Variants in RCBTB1 observed in about 807,000 individuals in gnomAD.
RCBTB1 encodes RCC1 and BTB domain-containing protein 1.
Under a neutral mutation model 62.4 loss-of-function variants are expected in RCBTB1, and 46 were observed. The ratio of observed to expected loss-of-function variants is 0.74; its 90% CI spans 0.58 to 0.94. RCBTB1 has a LOEUF of 0.94. RCBTB1 is among the 40% of genes least tolerant of loss of function. The pLI, the probability that RCBTB1 is intolerant of heterozygous loss-of-function variation, is 0.00. For synonymous variants in RCBTB1, 222 were observed against 245.8 expected (o/e 0.90, Z 0.91); for missense variants, 565 against 654.9 (o/e 0.86, Z 1.50).
At chr13:49,573,136 A>C (rs1238392488) in intron 2 of RCBTB1, among the ~76,000 whole-genome samples, 1 of 152,134 alleles carries the variant, frequency 6.6e-6, no homozygotes, top group Non-Finnish European at 1.5e-5. Context: ...TCAAAACAAA[A>C]CCACAAAAAT....
chr13:49,557,642 G>T (rs1489228437), intron 5 of RCBTB1, among the ~76,000 whole-genome samples: 1 of 152,148 alleles, frequency 6.6e-6, no homozygotes, highest in African/African-American at 2.4e-5. Context: ...ACTCTAGGTT[G>T]GGTGCGGTAG....
Position 49,560,093 on chromosome 13 carries a change from A to C in RCBTB1, c.278-9T>G. 2 of 1,607,042 alleles carry C rather than the reference A, an allele frequency of 1.2e-6. No individual in the cohort carries two copies. The highest frequency in any genetic ancestry group is 2.2e-5 in the South Asian group (2 of 89,694). The stretch of plus-strand genomic sequence containing the variant: ...GGCATAAACCACTCCATCTGTGCAC[A>C]CAAAGCACACAAAAAATCAGCTCCA... On this transcript the variant is annotated splice_polypyrimidine_tract_variant and intron_variant, in intron 4 of 12. Coordinates refer to ENST00000378302, the MANE Select transcript of RCBTB1 (RefSeq NM_018191.4).
intron 2 of RCBTB1, among the ~76,000 whole-genome samples, chr13:49,572,101 C>A (rs1310314805): frequency 1.3e-5 from 2 of 152,026 alleles, no homozygotes; most frequent in Non-Finnish European, 2.9e-5. Flanking sequence ...TAGAGGCAGG[C>A]AGATCACTTG....
Position 49,532,692 on chromosome 13 carries a change from A to T in RCBTB1, c.*1430T>A, listed in dbSNP as rs917842303. The T allele has an allele frequency of 6.6e-6, 1 of 152,096 alleles. No homozygotes were observed. Among genetic ancestry groups the T allele is most frequent in the African/African-American group, 2.4e-5 (1 of 41,414 alleles). The allele number at this position is 152,096 out of a possible 1,614,324, so 9.4% of individuals were successfully genotyped here. ...TTCCCACCCCAATAGACACAAATTTAAAAACATTGCTAAAAATAGTAGTTG... is the reference window on the plus strand; with the variant it reads ...TTCCCACCCCAATAGACACAAATTTTAAAACATTGCTAAAAATAGTAGTTG... On this transcript the variant is annotated 3_prime_UTR_variant, in exon 13 of 13. Transcript: ENST00000378302.
intron 2 of RCBTB1, among the ~76,000 whole-genome samples, chr13:49,573,230 T>C (rs1963532330): frequency 6.6e-6 from 1 of 152,156 alleles, no homozygotes; most frequent in Non-Finnish European, 1.5e-5. Context: ...TAAAGTATAA[T>C]ATATACAGAA....
intron 5 of RCBTB1, 123 bp downstream of exon 5, chr13:49,559,795 G>T: frequency 2.4e-6 from 2 of 817,052 alleles, no homozygotes; most frequent in Non-Finnish European, 3.7e-6. Flanking sequence ...TGTATGACAA[G>T]GTGAACATAC....
At position 49,549,650 on chromosome 13, in the gene RCBTB1, T is replaced by C; in HGVS notation, c.855-2A>G. ...TGACAGGCTGCAATCTCTACCACCC[T>C]GAAAAGTTTTAAGAAAAATGCATGT... On this transcript the variant is annotated splice_acceptor_variant, in intron 8 of 12. Coordinates refer to ENST00000378302, the MANE Select transcript of RCBTB1 (RefSeq NM_018191.4). LOFTEE classifies it high-confidence loss of function. The C allele has an allele frequency of 6.3e-7, 1 of 1,597,662 alleles. No individual in the cohort carries two copies. The highest frequency in any genetic ancestry group is 8.5e-7 in the Non-Finnish European group (1 of 1,169,612).
At chr13:49,576,596 G>C (rs1229440101) in intron 2 of RCBTB1, among the ~76,000 whole-genome samples, 1 of 152,016 alleles carries the variant, frequency 6.6e-6, no homozygotes, top group Non-Finnish European at 1.5e-5. Flanking sequence ...ATTTAAACCA[G>C]ACCAAACAAA....
chr13:49,534,509 C>T (rs919281454), intron 12 of RCBTB1, among the ~76,000 whole-genome samples: 3 of 151,340 alleles, frequency 2.0e-5, no homozygotes, highest in African/African-American at 4.9e-5. Context: ...AACACACACG[C>T]GCGCGCACAC....
intron 9 of RCBTB1, chr13:49,545,996 G>A: frequency 1.4e-6 from 1 of 700,778 alleles, no homozygotes; most frequent in Non-Finnish European, 1.8e-6. Flanking sequence ...GCAATGCAGA[G>A]CTCTCCTGGC....
chr13:49,555,390 C>T, intron 6 of RCBTB1, 125 bp downstream of exon 6: 2 of 818,746 alleles, frequency 2.4e-6, no homozygotes, highest in Non-Finnish European at 2.0e-6. Flanking sequence ...AATCAGTTAA[C>T]TTTCAATGGA....
chr13:49,555,074 CA>C (rs1262158930), intron 6 of RCBTB1, among the ~76,000 whole-genome samples: 6 of 152,150 alleles, frequency 3.9e-5, no homozygotes, highest in Non-Finnish European at 5.9e-5. Flanking sequence ...CAGGACCCCA[CA>C]AAAAATCTGC....
intron 2 of RCBTB1, among the ~76,000 whole-genome samples, chr13:49,571,397 C>T (rs1963391656): frequency 6.6e-6 from 1 of 152,178 alleles, no homozygotes; most frequent in Non-Finnish European, 1.5e-5. Flanking sequence ...CCGCAAAATG[C>T]TTCTGCCTAG....
chr13:49,575,550 A>T (rs1963719768), intron 2 of RCBTB1, among the ~76,000 whole-genome samples: 1 of 152,184 alleles, frequency 6.6e-6, no homozygotes, highest in Non-Finnish European at 1.5e-5. Flanking sequence ...TGTGGTATAT[A>T]TACACCATGG....
At chr13:49,578,475 C>A (rs1963916759) in intron 2 of RCBTB1, among the ~76,000 whole-genome samples, 1 of 152,140 alleles carries the variant, frequency 6.6e-6, no homozygotes, top group African/African-American at 2.4e-5. Context: ...CCAGGGACAT[C>A]ATAAAGAATA....
chr13:49,579,123 C>T (rs1259405161), intron 2 of RCBTB1, among the ~76,000 whole-genome samples: 1 of 152,096 alleles, frequency 6.6e-6, no homozygotes, highest in Non-Finnish European at 1.5e-5. Flanking sequence ...AAATGTATTT[C>T]CCAGGTCCAG....
intron 4 of RCBTB1, among the ~76,000 whole-genome samples, chr13:49,560,396 G>C (rs1009637522): frequency 7.2e-5 from 11 of 152,204 alleles, no homozygotes; most frequent in Non-Finnish European, 1.3e-4. Context: ...TAGTTTCTGT[G>C]TCAGATGCCA....
At chr13:49,552,091 G>A in intron 7 of RCBTB1, 87 bp downstream of exon 7, 3 of 828,730 alleles carry the variant, frequency 3.6e-6, no homozygotes, top group South Asian at 2.9e-5. Context: ...AGAAAAGACT[G>A]ACTGAAGAGT....
At chr13:49,538,529 A>G (rs1960097685) in intron 12 of RCBTB1, among the ~76,000 whole-genome samples, 1 of 152,066 alleles carries the variant, frequency 6.6e-6, no homozygotes, top group Admixed American at 6.6e-5. Flanking sequence ...TGGGCAACAT[A>G]ATGAAACCCT....
Sources: gnomAD v4.1 joint callset for allele counts (sites outside exome capture counted in the v4.1 genomes callset) on GRCh38, gnomAD v4.1.1 for gene constraint, MANE v1.5 for transcripts, NCBI Gene and HGNC (gene_info 2026-07-23, HGNC 2026-07-21) for gene names.